Variants in PTCHD1 observed in about 807,000 individuals in gnomAD.
PTCHD1 encodes patched domain containing 1.
In PTCHD1, 3 loss-of-function variants were observed where a neutral mutation model predicts 34.6. The ratio of observed to expected loss-of-function variants is 0.09; its 90% CI spans 0.04 to 0.22. PTCHD1 has a LOEUF of 0.22. Among genes scored for constraint, PTCHD1 ranks in the 10% least tolerant of loss-of-function variants. PTCHD1 has a pLI of 1.00. For missense variants in PTCHD1, 504 were observed against 685.5 expected, an observed-to-expected ratio of 0.74 and a Z score of 2.96; for synonymous variants, 305 against 283.1, an observed-to-expected ratio of 1.08 and a Z score of -0.77.
chrX:23,342,310 A>ATATATATATATTT (rs1921357058), intron 1 of PTCHD1, among the ~76,000 whole-genome samples: 1 of 12,939 alleles, frequency 7.7e-5, no homozygotes, highest in Non-Finnish European at 1.1e-4. Flanking sequence ...ATATATATAT[A>ATATATATATATTT]TTTTTTTTTT....
intron 1 of PTCHD1, among the ~76,000 whole-genome samples, chrX:23,369,032 G>C (rs891270441): frequency 9.0e-6 from 1 of 111,357 alleles, no homozygotes; most frequent in Non-Finnish European, 1.9e-5. Context: ...CCATTGCACC[G>C]CAGCCTGGGC....
intron 2 of PTCHD1, among the ~76,000 whole-genome samples, chrX:23,383,476 A>C (rs2049652): frequency 0.063 from 7,049 of 111,672 alleles, 253 homozygotes; most frequent in East Asian, 0.28. Flanking sequence ...AACCTGACAA[A>C]ATTCCAGAAG....
At chrX:23,351,055 G>T in intron 1 of PTCHD1, 1 of 413,908 alleles carries the variant, frequency 2.4e-6, no homozygotes, top group Admixed American at 3.7e-5. Context: ...TGGGATGCCA[G>T]TATGACAACT....
In PTCHD1 at chrX:23,402,286, A is replaced by T. The variant is rs1340983769; in HGVS notation, c.*8101A>T. Reference sequence around the variant, plus strand: ...AACTATCCAAGACTAGAAGCTTAGAAGCTTATACCAAACTCTCTGTCTCTC... The same window carrying T: ...AACTATCCAAGACTAGAAGCTTAGATGCTTATACCAAACTCTCTGTCTCTC... On this transcript the variant is annotated 3_prime_UTR_variant, in exon 3 of 3. Coordinates refer to ENST00000379361, the MANE Select transcript of PTCHD1 (RefSeq NM_173495.3). 1 of 111,352 alleles carries T rather than the reference A, an allele frequency of 9.0e-6. No homozygotes were observed. The highest frequency in any genetic ancestry group is 3.3e-5 in the African/African-American group (1 of 30,407). The allele number at this position is 111,352 out of a possible 1,213,427, so 9.2% of individuals were successfully genotyped here. A position where few individuals can be genotyped will look rare whatever the true frequency, so the allele number is the denominator to read the frequency against.
rs1439892815 is a variant in PTCHD1 at position 23,395,838 on chromosome X, T to C, written c.*1653T>C. On this transcript the variant is annotated 3_prime_UTR_variant, in exon 3 of 3. Transcript: ENST00000379361. ...TTACCTTTCTGAACCTTAGCAGACA[T>C]ACTGTGCAGCTTACCTATCTTCTGC... 8.9e-6 allele frequency: 1 copy of C among 111,901 alleles called. No individual in the cohort carries two copies. The highest frequency in any genetic ancestry group is 9.5e-5 in the Admixed American group (1 of 10,510). The allele number at this position is 111,901 out of a possible 1,213,427, so 9.2% of individuals were successfully genotyped here. A position where few individuals can be genotyped will look rare whatever the true frequency, so the allele number is the denominator to read the frequency against.
intron 1 of PTCHD1, among the ~76,000 whole-genome samples, chrX:23,370,909 G>A (rs760457053): frequency 5.9e-4 from 65 of 110,889 alleles, no homozygotes; most frequent in Non-Finnish European, 1.0e-3. Context: ...CTAAAATCCT[G>A]CCCTGATACC....
intron 1 of PTCHD1, among the ~76,000 whole-genome samples, chrX:23,349,778 T>G (rs2363130): frequency 0.45 from 49,416 of 109,354 alleles, 9,231 homozygotes; most frequent in South Asian, 0.69. Flanking sequence ...CAGAAAATAA[T>G]TAAGGATATA....
rs773107218 is a variant in PTCHD1, at chrX:23,393,384, A to G, written c.1866A>G (p.Gln622=). ...MLRNSFLKAP[Q]FSHFQEDIIF... ...GGAATTCCTTTCTGAAAGCCCCTCA[A>G]TTTTCACATTTTCAAGAGGACATCA... is the stretch of plus-strand genomic sequence containing the variant. Residue 622 remains glutamine (Q), a synonymous_variant, in exon 3 of 3, where the codon CAA becomes CAG. Coordinates refer to ENST00000379361, the MANE Select transcript of PTCHD1 (RefSeq NM_173495.3). The G allele has an allele frequency of 1.7e-6, 2 of 1,210,001 alleles. No homozygotes were observed. The highest frequency in any genetic ancestry group is 3.5e-5 in the South Asian group (2 of 56,903).
At chrX:23,372,316 G>C (rs746992168) in intron 1 of PTCHD1, among the ~76,000 whole-genome samples, 9 of 110,598 alleles carry the variant, frequency 8.1e-5, no homozygotes, top group Non-Finnish European at 1.7e-4. Flanking sequence ...AGCAAGACGA[G>C]CACTGCAATG....
At chrX:23,354,171 G>T (rs540921667) in intron 1 of PTCHD1, among the ~76,000 whole-genome samples, 10 of 111,111 alleles carry the variant, frequency 9.0e-5, no homozygotes, top group African/African-American at 3.3e-4. Context: ...AAGCCTCATA[G>T]GTTTTTAATC....
At chrX:23,377,231 A>G (rs1378078912) in intron 1 of PTCHD1, among the ~76,000 whole-genome samples, 1 of 112,477 alleles carries the variant, frequency 8.9e-6, no homozygotes, top group Non-Finnish European at 1.9e-5. Flanking sequence ...CATGGGAACA[A>G]ACAATGCACT....
At chrX:23,362,203 C>T (rs1480364148) in intron 1 of PTCHD1, among the ~76,000 whole-genome samples, 2 of 112,048 alleles carry the variant, frequency 1.8e-5, no homozygotes, top group African/African-American at 6.5e-5. Context: ...TCCTGCCTTT[C>T]TAGGTTAGGG....
chrX:23,395,549 G>C lies in PTCHD1; in HGVS notation c.*1364G>C, dbSNP rs1400866511. Reference sequence around the variant, plus strand: ...TTTGATGTCCTTCTGCGTCATCATAGCAAGGCCCTTCTGTAAATTAACAAG... The same window carrying C: ...TTTGATGTCCTTCTGCGTCATCATACCAAGGCCCTTCTGTAAATTAACAAG... On this transcript the variant is annotated 3_prime_UTR_variant, in exon 3 of 3. Transcript: ENST00000379361. 9.0e-6 allele frequency: 1 copy of C among 111,486 alleles called. No individual in the cohort carries two copies. Among genetic ancestry groups the C allele is most frequent in the Non-Finnish European group, 1.9e-5 (1 of 53,062 alleles). 9.2% of individuals were successfully genotyped at this position (111,486 alleles called of 1,213,427 possible). A position where few individuals can be genotyped will look rare whatever the true frequency, so the allele number is the denominator to read the frequency against.
chrX:23,361,598 T>C (rs951352925), intron 1 of PTCHD1, among the ~76,000 whole-genome samples: 4 of 112,008 alleles, frequency 3.6e-5, no homozygotes, highest in African/African-American at 1.3e-4. Context: ...CTTGAGTCTT[T>C]ATCCGATTTG....
intron 1 of PTCHD1, among the ~76,000 whole-genome samples, chrX:23,342,122 G>A (rs1921325795): frequency 9.3e-6 from 1 of 107,671 alleles, no homozygotes; most frequent in South Asian, 4.1e-4. Flanking sequence ...GGGAACTCTG[G>A]GAGACACTGT....
In PTCHD1 at chrX:23,400,282, A is replaced by G. The variant is rs1359628333; in HGVS notation, c.*6097A>G. ...CAGATCACGAGGTTAAGAGATTGAG[A>G]CCATCCTGGCCAGCATGGTGAAACC... On this transcript the variant is annotated 3_prime_UTR_variant, in exon 3 of 3. Transcript: ENST00000379361. 1.8e-5 allele frequency: 2 copies of G among 111,234 alleles called. No individual in the cohort carries two copies. Among genetic ancestry groups the G allele is most frequent in the Non-Finnish European group, 3.8e-5 (2 of 52,968 alleles). 9.2% of individuals were successfully genotyped at this position (111,234 alleles called of 1,213,427 possible). A position where few individuals can be genotyped will look rare whatever the true frequency, so the allele number is the denominator to read the frequency against.
At chrX:23,344,345 G>A (rs1758579188) in intron 1 of PTCHD1, among the ~76,000 whole-genome samples, 1 of 112,201 alleles carries the variant, frequency 8.9e-6, no homozygotes, top group South Asian at 3.7e-4. Flanking sequence ...TAAAGTATGT[G>A]AAGGCACTGT....
chrX:23,355,600 T>A (rs749406098), intron 1 of PTCHD1, among the ~76,000 whole-genome samples: 68 of 112,759 alleles, frequency 6.0e-4, no homozygotes, highest in African/African-American at 1.9e-3. Context: ...TACTGCTATG[T>A]TCCAGGTTCT....
rs543656949 is a variant in PTCHD1, at chrX:23,392,432, C to T, written c.1013-99C>T. 26 of 580,253 alleles carry T rather than the reference C, an allele frequency of 4.5e-5. No individual in the cohort carries two copies. The South Asian group carries it at 5.9e-4, about 13-fold the overall frequency. 47.8% of individuals were successfully genotyped at this position (580,253 alleles called of 1,213,427 possible). ...TACCCGTCACCACTAGGGTTGATTACGTTTCCTTTGACCCAGTAGTCCCTC... is the reference window on the plus strand; with the variant it reads ...TACCCGTCACCACTAGGGTTGATTATGTTTCCTTTGACCCAGTAGTCCCTC... On this transcript the variant is annotated intron_variant, in intron 2 of 2. Coordinates refer to ENST00000379361, the MANE Select transcript of PTCHD1 (RefSeq NM_173495.3).
Sources: allele counts gnomAD v4.1 joint callset (sites outside exome capture counted in the v4.1 genomes callset), GRCh38; gene constraint gnomAD v4.1.1; transcripts MANE v1.5; gene names NCBI Gene and HGNC (gene_info 2026-07-23, HGNC 2026-07-21).